ATAD2: variants seen among roughly 807,000 people sequenced by gnomAD.
ATAD2 encodes the protein ATPase family AAA domain containing 2, also known as ATPase family AAA domain-containing protein 2.
Under a neutral mutation model 168.9 loss-of-function variants are expected in ATAD2, and 62 were observed. That is an observed-to-expected ratio of 0.37 (90% CI 0.30 to 0.45). The LOEUF is 0.45. Ranked by LOEUF, ATAD2 falls within the 20% of genes least tolerant of loss-of-function variation. The pLI, the probability that ATAD2 is intolerant of heterozygous loss-of-function variation, is 1.00. For synonymous variants in ATAD2, 613 were observed against 571.6 expected (o/e 1.07, Z -1.03); for missense variants, 1,419 against 1,667.8 (o/e 0.85, Z 2.60).
chr8:123,383,701 A>G (rs1238977002), intron 1 of ATAD2, among the ~76,000 whole-genome samples: 1 of 151,680 alleles, frequency 6.6e-6, no homozygotes, highest in Non-Finnish European at 1.5e-5. Context: ...AGAACCCAGG[A>G]GGCGGAGGTT....
chr8:123,366,389 G>A (rs2038252102), intron 8 of ATAD2, among the ~76,000 whole-genome samples: 1 of 152,178 alleles, frequency 6.6e-6, no homozygotes, highest in Non-Finnish European at 1.5e-5. Context: ...ACTACCATTT[G>A]ATCCAGCAAT....
intron 8 of ATAD2, among the ~76,000 whole-genome samples, chr8:123,366,525 T>C (rs1020487910): frequency 1.3e-5 from 2 of 152,218 alleles, no homozygotes; most frequent in Non-Finnish European, 2.9e-5. Context: ...TGTCCATCAA[T>C]TGAGTGGACT....
At chr8:123,410,114 C>A (rs1024069918) in intron 1 of ATAD2, among the ~76,000 whole-genome samples, 5 of 152,012 alleles carry the variant, frequency 3.3e-5, no homozygotes, top group African/African-American at 1.2e-4. Flanking sequence ...CTTCTAAACA[C>A]CTGCCCATTA....
chr8:123,399,707 A>C (rs573688699), upstream of ATAD2, among the ~76,000 whole-genome samples: 32 of 152,096 alleles, frequency 2.1e-4, no homozygotes, highest in South Asian at 6.4e-3. Flanking sequence ...ATACAAAATT[A>C]GCTGGGCATG....
intron 14 of ATAD2, 58 bp downstream of exon 14, chr8:123,349,227 T>C (rs1430220410): frequency 6.5e-7 from 1 of 1,541,588 alleles, no homozygotes; most frequent in South Asian, 1.2e-5. Flanking sequence ...ATACCAAGAC[T>C]TATTATTAAT....
chr8:123,390,062 TCTGCCTCCAGGGTTCAAGCAATTCTC>T (rs940392248), intron 1 of ATAD2, among the ~76,000 whole-genome samples: 6 of 149,096 alleles, frequency 4.0e-5, no homozygotes, highest in African/African-American at 1.5e-4. Flanking sequence ...CACTGCAACC[TCTGCCTCCAGGGTTCAAGCAATTCTC>T]CTGCCTCAGC....
Position 123,345,079 on chromosome 8 carries a change from A to G in ATAD2, c.2533-10T>C. On this transcript the variant is annotated splice_polypyrimidine_tract_variant and intron_variant, in intron 18 of 27. Transcript: ENST00000287394. ...TAGCTTCACGAATCACCTAGTAGAG[A>G]GAGAACAAAACAAATTCAGTTAGAG... The G allele has an allele frequency of 6.3e-7, 1 of 1,586,210 alleles. No homozygotes were observed. The highest frequency in any genetic ancestry group is 8.6e-7 in the Non-Finnish European group (1 of 1,163,800).
At chr8:123,353,189 C>A (rs1828528754) in intron 13 of ATAD2, among the ~76,000 whole-genome samples, 1 of 152,002 alleles carries the variant, frequency 6.6e-6, no homozygotes, top group Admixed American at 6.5e-5. Context: ...AATGGCAAAA[C>A]CCCGTCTCTA....
chr8:123,357,735 C>T lies in ATAD2; in HGVS notation c.1384G>A (p.Gly462Ser), dbSNP rs1179431926. 5 of 1,592,612 alleles carry T rather than the reference C, an allele frequency of 3.1e-6. No homozygotes were observed. The highest frequency in any genetic ancestry group is 2.6e-6 in the Non-Finnish European group (3 of 1,173,440). Residue 462 changes from glycine to serine, a missense_variant and splice_region_variant, in exon 12 of 28, where the codon GGT becomes AGT. Gly to Ser is a moderately conservative substitution (Grantham distance 56). Transcript: ENST00000287394. Reference sequence around the variant, plus strand: ...CCAGGTGGCCCATAAAACAAACAACCTCTGTAAAACAATACATTAACATTT... The same window carrying T: ...CCAGGTGGCCCATAAAACAAACAACTTCTGTAAAACAATACATTAACATTT... ...FEKFKIQPPR[G>S]CLFYGPPGTG...
At chr8:123,371,027 A>T in intron 5 of ATAD2, 37 bp from the exon 6 acceptor site, 1 of 1,444,050 alleles carries the variant, frequency 6.9e-7, no homozygotes. Context: ...AACATTTGGA[A>T]TCTATTTATT....
intron 3 of ATAD2, 124 bp from the exon 4 acceptor site, chr8:123,371,959 T>C: frequency 9.7e-7 from 1 of 1,028,100 alleles, no homozygotes; most frequent in Admixed American, 3.5e-5. Context: ...ATCTTAAACT[T>C]AGCTTTCTTA....
Position 123,393,740 on chromosome 8 carries a change from A to C in ATAD2, c.171+2447T>G, listed in dbSNP as rs114426329. Among the ~76,000 whole-genome samples, 778 of 152,070 alleles carry C rather than the reference A, an allele frequency of 5.1e-3. 3 individuals are homozygous for C. The highest frequency in any genetic ancestry group is 0.017 in the African/African-American group (702 of 41,466). On this transcript the variant is annotated intron_variant, in intron 1 of 27. Transcript: ENST00000287394. ...GAGATCAGACTGGCCAAAACAGTGA[A>C]ACACCGTCTCCACCAAAAACACAAA...
chr8:123,349,654 T>C (rs1586873133), intron 13 of ATAD2, among the ~76,000 whole-genome samples: 1 of 152,122 alleles, frequency 6.6e-6, no homozygotes, highest in South Asian at 2.1e-4. Flanking sequence ...AGACGGTTGT[T>C]AGACCCCCCA....
At position 123,391,966 on chromosome 8, in the gene ATAD2, T is replaced by C. The variant is rs139059323; in HGVS notation, c.171+4221A>G. On this transcript the variant is annotated intron_variant, in intron 1 of 27. Transcript: ENST00000287394. The stretch of plus-strand genomic sequence containing the variant: ...AAGGTATAATGCCTGCTGGGAACTG[T>C]GGTGGGGGTTGAGGGGGATCCTTTC... 5.3e-4 allele frequency among the ~76,000 whole-genome samples: 81 copies of C among 152,268 alleles called. 1 individual carries two copies. In the East Asian group the frequency reaches 0.015, roughly 28 times the overall value.
At chr8:123,373,861 T>A (rs1180218515) in intron 2 of ATAD2, among the ~76,000 whole-genome samples, 7 of 152,064 alleles carry the variant, frequency 4.6e-5, no homozygotes, top group Non-Finnish European at 8.8e-5. Flanking sequence ...AGTGACTCAA[T>A]TTTCCATCCT....
intron 1 of ATAD2, among the ~76,000 whole-genome samples, chr8:123,407,332 G>T (rs1288473946): frequency 1.3e-5 from 2 of 152,224 alleles, no homozygotes; most frequent in African/African-American, 4.8e-5. Context: ...ATATAGTACA[G>T]TTGGTCTGGG....
chr8:123,351,093 G>A lies in ATAD2; in HGVS notation c.1647-1649C>T, dbSNP rs1019711080. Among the ~76,000 whole-genome samples the A allele has an allele frequency of 3.9e-5, 6 of 152,150 alleles. No individual in the cohort carries two copies. In the East Asian group the frequency reaches 1.2e-3, roughly 29 times the overall value. The stretch of plus-strand genomic sequence containing the variant: ...CCATTTGGGATGGCATATTTCACAG[G>A]AAGATACCACGTAATTCCTATTATA... On this transcript the variant is annotated intron_variant, in intron 13 of 27. Coordinates refer to ENST00000287394, the MANE Select transcript of ATAD2 (RefSeq NM_014109.4).
chr8:123,337,947 T>G, intron 20 of ATAD2, 126 bp from the exon 21 acceptor site: 1 of 898,034 alleles, frequency 1.1e-6, no homozygotes, highest in Non-Finnish European at 1.6e-6. Context: ...ATCCAAAGAT[T>G]TGAAATACAA....
chr8:123,412,709 G>A (rs193055475), intron 1 of ATAD2, among the ~76,000 whole-genome samples: 194 of 152,212 alleles, frequency 1.3e-3, no homozygotes, highest in African/African-American at 4.1e-3. Context: ...TAGGATTACA[G>A]GGGTGAGCCA....
Sources: allele counts gnomAD v4.1 joint callset (sites outside exome capture counted in the v4.1 genomes callset), GRCh38; gene constraint gnomAD v4.1.1; transcripts MANE v1.5; gene names NCBI Gene and HGNC (gene_info 2026-07-23, HGNC 2026-07-21).